The following ZBTB7C variants were observed in gnomAD, a reference collection of about 807,000 sequenced individuals.
ZBTB7C encodes the protein zinc finger and BTB domain-containing protein 7C.
Under a neutral mutation model 25.7 loss-of-function variants are expected in ZBTB7C, and 8 were observed. The ratio of observed to expected loss-of-function variants is 0.31; its 90% CI spans 0.18 to 0.56. The LOEUF (loss-of-function observed/expected upper bound fraction) is 0.56, where lower values mean the gene tolerates loss of function less well. Ranked by LOEUF, ZBTB7C falls within the 20% of genes least tolerant of loss-of-function variation. The pLI is 0.91. For synonymous variants in ZBTB7C, 394 were observed against 369.0 expected (o/e 1.07, Z -0.78); for missense variants, 824 against 855.2 (o/e 0.96, Z 0.46).
chr18:48,164,491 C>A (rs1037250339), intron 3 of ZBTB7C, among the ~76,000 whole-genome samples: 4 of 152,186 alleles, frequency 2.6e-5, no homozygotes, highest in Admixed American at 6.5e-5. Flanking sequence ...CACAAACATA[C>A]TCATCTGCTA....
intron 1 of ZBTB7C, among the ~76,000 whole-genome samples, chr18:48,375,128 C>T (rs1311919634): frequency 1.3e-5 from 2 of 152,352 alleles, no homozygotes; most frequent in East Asian, 3.9e-4. Context: ...TTAATTTCCT[C>T]TTCTGTTTTG....
At chr18:48,044,082 C>T (rs2036370667) in intron 3 of ZBTB7C, among the ~76,000 whole-genome samples, 1 of 152,180 alleles carries the variant, frequency 6.6e-6, no homozygotes, top group Non-Finnish European at 1.5e-5. Flanking sequence ...ACCAAGGTGC[C>T]CTTGGTCTGA....
chr18:48,267,189 C>G (rs556505249), intron 2 of ZBTB7C, among the ~76,000 whole-genome samples: 8 of 152,322 alleles, frequency 5.3e-5, no homozygotes, highest in African/African-American at 1.7e-4. Flanking sequence ...TCATCAGATA[C>G]CCCCTCAGCA....
intron 3 of ZBTB7C, chr18:48,136,875 G>A (rs937625592): frequency 1.2e-6 from 1 of 809,874 alleles, no homozygotes; most frequent in Non-Finnish European, 1.5e-6. Flanking sequence ...AGCGCGTAGC[G>A]AGAATGCCCG....
chr18:48,351,804 A>G (rs745367423), intron 1 of ZBTB7C, among the ~76,000 whole-genome samples: 7 of 152,176 alleles, frequency 4.6e-5, no homozygotes, highest in Non-Finnish European at 1.0e-4. Context: ...TCGTTCCCTC[A>G]CCAACCAGCA....
intron 2 of ZBTB7C, among the ~76,000 whole-genome samples, chr18:48,194,890 G>T (rs1216583745): frequency 4.0e-5 from 6 of 151,274 alleles, no homozygotes; most frequent in Non-Finnish European, 7.4e-5. Flanking sequence ...GGAGGGGGGA[G>T]GGGGCAGAGG....
intron 3 of ZBTB7C, chr18:48,077,153 G>A (rs1318977293): frequency 3.6e-6 from 1 of 279,720 alleles, no homozygotes; most frequent in African/African-American, 2.3e-5. Context: ...AGAAAATCCT[G>A]CAGGGGTGGG....
chr18:48,067,817 C>T (rs979368813), intron 3 of ZBTB7C, among the ~76,000 whole-genome samples: 1 of 152,058 alleles, frequency 6.6e-6, no homozygotes, highest in African/African-American at 2.4e-5. Context: ...GCCTGACCAA[C>T]ATGGAGAAAC....
chr18:48,134,765 G>A (rs2040095035), intron 3 of ZBTB7C, among the ~76,000 whole-genome samples: 1 of 152,270 alleles, frequency 6.6e-6, no homozygotes, highest in South Asian at 2.1e-4. Context: ...CTCAGAGACT[G>A]TTTGGGCCTC....
intron 3 of ZBTB7C, among the ~76,000 whole-genome samples, chr18:48,176,616 C>CGTGTGTGTGTGT (rs10533963): frequency 0.34 from 51,444 of 149,514 alleles, 10,444 homozygotes; most frequent in Non-Finnish European, 0.48. Flanking sequence ...AGGAAATACA[C>CGTGTGTGTGTGT]GTGTGTGTGT....
At chr18:48,260,692 C>T (rs950356643) in intron 2 of ZBTB7C, among the ~76,000 whole-genome samples, 7 of 152,120 alleles carry the variant, frequency 4.6e-5, no homozygotes, top group South Asian at 2.1e-4. Flanking sequence ...ATATCTGGTG[C>T]GAGAACTGTA....
rs141441522 is a variant in ZBTB7C, at chr18:48,139,274, G to C, written c.-17+46660C>G. ...TAAGAAAACAGGAGGGGGTCTATGA[G>C]GTAGAGCCAGTTTATGGGTGCAGCT... On this transcript the variant is annotated intron_variant, in intron 3 of 4. Coordinates refer to ENST00000590800, the MANE Select transcript of ZBTB7C (RefSeq NM_001318841.2). 2.5e-3 allele frequency among the ~76,000 whole-genome samples: 384 copies of C among 152,298 alleles called. 3 individuals are homozygous for C. The highest frequency in any genetic ancestry group is 8.6e-3 in the African/African-American group (358 of 41,558).
chr18:48,041,002 C>T lies in ZBTB7C; in HGVS notation c.106G>A (p.Val36Met), dbSNP rs1468026007. 3.1e-6 allele frequency: 5 copies of T among 1,614,036 alleles called. No individual in the cohort carries two copies. The highest frequency in any genetic ancestry group is 3.4e-6 in the Non-Finnish European group (4 of 1,179,934). ...EQRHDGLLCDVLLVVQEQEYR... is the reference protein window; with the variant it reads ...EQRHDGLLCDMLLVVQEQEYR... ...TCCTGCTCCTGCACCACCAGGAGCA[C>T]GTCACACAGCAGGCCATCGTGCCGT... The change falls in exon 4 of 5, where the codon GTG becomes ATG. Residue 36 changes from valine (V) to methionine (M), a missense_variant. Val to Met is a conservative substitution (Grantham distance 21). This residue lies in a region of ZBTB7C where 117 missense variants were observed against 167.7 expected (regional missense o/e 0.70). Coordinates refer to ENST00000590800, the MANE Select transcript of ZBTB7C (RefSeq NM_001318841.2).
chr18:48,280,934 A>G (rs974699961), intron 2 of ZBTB7C, among the ~76,000 whole-genome samples: 5 of 144,414 alleles, frequency 3.5e-5, no homozygotes, highest in African/African-American at 1.3e-4. Context: ...GCTCACTGCA[A>G]CCTCTGCCTC....
intron 1 of ZBTB7C, among the ~76,000 whole-genome samples, chr18:48,387,901 A>G (rs748559876): frequency 8.7e-4 from 132 of 152,202 alleles, no homozygotes; most frequent in Non-Finnish European, 9.7e-4. Context: ...ATCTCAGCTC[A>G]CTGCAACCTC....
chr18:48,200,266 TG>T (rs2042409590), intron 2 of ZBTB7C, among the ~76,000 whole-genome samples: 1 of 152,132 alleles, frequency 6.6e-6, no homozygotes, highest in African/African-American at 2.4e-5. Flanking sequence ...CACCTGGTCG[TG>T]CCCCTTTCAG....
At chr18:48,334,945 C>T (rs1328668765) in intron 2 of ZBTB7C, among the ~76,000 whole-genome samples, 5 of 152,186 alleles carry the variant, frequency 3.3e-5, no homozygotes, top group African/African-American at 9.6e-5. Context: ...AGTGCAGTGC[C>T]TCGGTGCTGT....
chr18:48,077,762 TATC>T (rs1817484420), intron 3 of ZBTB7C, among the ~76,000 whole-genome samples: 1 of 152,132 alleles, frequency 6.6e-6, no homozygotes, highest in Admixed American at 6.5e-5. Flanking sequence ...AGTTGGGTCT[TATC>T]ATCATCACCT....
At chr18:48,340,055 T>C (rs1377639909) in intron 1 of ZBTB7C, among the ~76,000 whole-genome samples, 1 of 152,214 alleles carries the variant, frequency 6.6e-6, no homozygotes, top group East Asian at 1.9e-4. Flanking sequence ...ATATACTCTA[T>C]GTGTGGAATA....
Sources: gnomAD v4.1 joint callset for allele counts (sites outside exome capture counted in the v4.1 genomes callset) on GRCh38, gnomAD v4.1.1 for gene constraint, gnomAD v4.1.1 regional missense constraint, MANE v1.5 for transcripts, NCBI Gene and HGNC (gene_info 2026-07-23, HGNC 2026-07-21) for gene names.